Variants in SAMD5 observed in about 807,000 individuals in gnomAD.
SAMD5 encodes the protein sterile alpha motif domain containing 5.
A neutral mutation model predicts 11.3 loss-of-function variants in SAMD5; 13 were observed. That is an observed-to-expected ratio of 1.15 (90% CI 0.75 to 1.83). SAMD5 has a LOEUF of 1.83. SAMD5 is among the 40% of genes most tolerant of loss of function. The pLI, the probability that SAMD5 is intolerant of heterozygous loss-of-function variation, is 0.00. For synonymous variants in SAMD5, 129 were observed against 111.3 expected (o/e 1.16, Z -1.00); for missense variants, 255 against 239.1 (o/e 1.07, Z -0.44).
the SAMD5 span, among the ~76,000 whole-genome samples, chr6:147,852,082 T>C: frequency 6.6e-6 from 1 of 152,186 alleles, no homozygotes. Context: ...AATCTATACG[T>C]ACTGTATTTT....
the SAMD5 span, among the ~76,000 whole-genome samples, chr6:147,748,215 G>T: frequency 6.6e-6 from 1 of 152,212 alleles, no homozygotes; most frequent in Admixed American, 6.5e-5. Context: ...TGGGGGAAAA[G>T]ATGTCCCTTA....
chr6:147,657,414 G>A (rs1418983278), intron 1 of SAMD5, among the ~76,000 whole-genome samples: 1 of 152,086 alleles, frequency 6.6e-6, no homozygotes, highest in Non-Finnish European at 1.5e-5. Flanking sequence ...TTTAATAAAG[G>A]GGTATGTAAC....
the SAMD5 span, among the ~76,000 whole-genome samples, chr6:147,938,250 A>T: frequency 3.0e-5 from 4 of 131,354 alleles, no homozygotes; most frequent in African/African-American, 1.2e-4. Flanking sequence ...CAATGGAGGG[A>T]AACATTTTTT....
the SAMD5 span, among the ~76,000 whole-genome samples, chr6:147,905,775 G>A: frequency 6.6e-6 from 1 of 152,198 alleles, no homozygotes; most frequent in African/African-American, 2.4e-5. Flanking sequence ...TTCTAAAAAT[G>A]TGTGGGCCCC....
chr6:147,816,293 A>ATATATATATATATATAT, the SAMD5 span, among the ~76,000 whole-genome samples: 1 of 91,630 alleles, frequency 1.1e-5, no homozygotes, highest in African/African-American at 5.6e-5. Flanking sequence ...AAAAAAAAAA[A>ATATATATATATATATAT]AAAAAAAAAT....
At chr6:147,769,887 C>G in the SAMD5 span, among the ~76,000 whole-genome samples, 1 of 152,166 alleles carries the variant, frequency 6.6e-6, no homozygotes, top group Non-Finnish European at 1.5e-5. Context: ...ACAAATTGTA[C>G]TGTGAGTTTG....
chr6:147,630,728 C>G (rs1451171521), intron 1 of SAMD5, among the ~76,000 whole-genome samples: 1 of 152,308 alleles, frequency 6.6e-6, no homozygotes, highest in East Asian at 1.9e-4. Flanking sequence ...GTTTGGTGGT[C>G]TCTTCACACA....
the SAMD5 span, among the ~76,000 whole-genome samples, chr6:147,882,848 T>C: frequency 6.6e-6 from 1 of 152,246 alleles, no homozygotes; most frequent in Non-Finnish European, 1.5e-5. Flanking sequence ...GACAAGTAAT[T>C]ACAATTTAAG....
intron 1 of SAMD5, among the ~76,000 whole-genome samples, chr6:147,706,561 A>G (rs1157525261): frequency 6.6e-6 from 1 of 152,240 alleles, no homozygotes; most frequent in Non-Finnish European, 1.5e-5. Flanking sequence ...GAGGAAAAAC[A>G]GTATAGTTGA....
At chr6:147,707,860 T>G (rs1480306290) in intron 1 of SAMD5, among the ~76,000 whole-genome samples, 4 of 152,044 alleles carry the variant, frequency 2.6e-5, no homozygotes, top group Non-Finnish European at 4.4e-5. Context: ...CTGATGAGGC[T>G]GGGGATGAGG....
At chr6:147,584,900 C>A (rs1429748061) in intron 1 of SAMD5, among the ~76,000 whole-genome samples, 4 of 152,132 alleles carry the variant, frequency 2.6e-5, no homozygotes, top group South Asian at 2.1e-4. Flanking sequence ...AGAGAAAAAT[C>A]TGTTGATTTT....
rs1583148990 is a variant in SAMD5, at chr6:147,711,318, T to G, written c.163-25999T>G. 6.6e-6 allele frequency among the ~76,000 whole-genome samples: 1 copy of G among 152,228 alleles called. No individual in the cohort carries two copies. Among genetic ancestry groups the G allele is most frequent in the African/African-American group, 2.4e-5 (1 of 41,548 alleles). On this transcript the variant is annotated intron_variant, in intron 1 of 1. Coordinates refer to the SAMD5 transcript ENST00000566741. This position sits in a 1 kb window ranked among gnomAD's most constrained non-coding sequence, Gnocchi z 4.1. The stretch of plus-strand genomic sequence containing the variant: ...TGTGGGACTGGGATTTGAATGCAGA[T>G]CTGCCTGATCCCCCAACCTGACCCT...
intron 1 of SAMD5, among the ~76,000 whole-genome samples, chr6:147,701,243 G>C (rs1372851813): frequency 6.6e-6 from 1 of 152,122 alleles, no homozygotes; most frequent in Non-Finnish European, 1.5e-5. Flanking sequence ...ATTTTTGTAA[G>C]TACTGATATA....
At chr6:147,519,393 A>G (rs1292709946) in intron 1 of SAMD5, among the ~76,000 whole-genome samples, 1 of 152,220 alleles carries the variant, frequency 6.6e-6, no homozygotes, top group Non-Finnish European at 1.5e-5. Context: ...ATAATTAAAC[A>G]CAGGAATACC....
chr6:147,833,784 C>A, the SAMD5 span, among the ~76,000 whole-genome samples: 5,758 of 152,208 alleles, frequency 0.038, 370 homozygotes, highest in African/African-American at 0.13. Flanking sequence ...TATTCTTAGT[C>A]CATGGAACAT....
At chr6:147,776,811 G>C in the SAMD5 span, among the ~76,000 whole-genome samples, 1 of 152,294 alleles carries the variant, frequency 6.6e-6, no homozygotes, top group Non-Finnish European at 1.5e-5. Flanking sequence ...AACTGACTGG[G>C]GTTAACGTCC....
At chr6:147,932,112 T>C in the SAMD5 span, among the ~76,000 whole-genome samples, 1 of 152,228 alleles carries the variant, frequency 6.6e-6, no homozygotes, top group African/African-American at 2.4e-5. Context: ...CTTTTCTGTT[T>C]CCTTGTTTTA....
At chr6:147,877,662 T>C in the SAMD5 span, among the ~76,000 whole-genome samples, 7 of 152,064 alleles carry the variant, frequency 4.6e-5, no homozygotes, top group South Asian at 2.1e-4. Flanking sequence ...CTCTCCATCA[T>C]GTGGGTAGTC....
At chr6:147,761,868 A>T in the SAMD5 span, among the ~76,000 whole-genome samples, 1 of 151,986 alleles carries the variant, frequency 6.6e-6, no homozygotes, top group Non-Finnish European at 1.5e-5. Context: ...ACTCACCACC[A>T]TGCCTAGTTA....
Sources: gnomAD v4.1 joint callset for allele counts (sites outside exome capture counted in the v4.1 genomes callset) on GRCh38, gnomAD v4.1.1 for gene constraint, Gnocchi (gnomAD v3.1) non-coding constraint, MANE v1.5 for transcripts, NCBI Gene and HGNC (gene_info 2026-07-23, HGNC 2026-07-21) for gene names.